SUPT3H: variants seen among roughly 807,000 people sequenced by gnomAD.
The protein encoded by SUPT3H is SPT3 homolog, SAGA and STAGA complex component.
A neutral mutation model predicts 44.3 loss-of-function variants in SUPT3H; 44 were observed. The ratio of observed to expected loss-of-function variants is 0.99; its 90% confidence interval spans 0.78 to 1.28. SUPT3H has a LOEUF of 1.28. Ranked by LOEUF, SUPT3H falls within the 50% of genes most tolerant of loss-of-function variation. SUPT3H has a pLI of 0.00. For synonymous variants in SUPT3H, 124 were observed against 125.6 expected (o/e 0.99, Z 0.09); for missense variants, 380 against 387.1 (o/e 0.98, Z 0.15).
At chr6:45,235,727 G>A (rs1768979653) in intron 2 of SUPT3H, among the ~76,000 whole-genome samples, 1 of 152,170 alleles carries the variant, frequency 6.6e-6, no homozygotes, top group Non-Finnish European at 1.5e-5. Context: ...CAGATTAGGA[G>A]TGTGCTGGGA....
At chr6:45,284,589 G>C (rs1272091694) in intron 2 of SUPT3H, among the ~76,000 whole-genome samples, 4 of 152,154 alleles carry the variant, frequency 2.6e-5, no homozygotes, top group Non-Finnish European at 5.9e-5. Flanking sequence ...CTCTGAAATA[G>C]AGGCAATAAT....
chr6:44,879,682 G>A (rs1187071067), intron 10 of SUPT3H, among the ~76,000 whole-genome samples: 1 of 151,298 alleles, frequency 6.6e-6, no homozygotes, highest in East Asian at 1.9e-4. Flanking sequence ...GAGAGTTCTG[G>A]CTGGCATCTG....
intron 11 of SUPT3H, among the ~76,000 whole-genome samples, chr6:44,821,086 A>G (rs1254307169): frequency 6.6e-6 from 1 of 152,118 alleles, no homozygotes; most frequent in East Asian, 1.9e-4. Context: ...CTTCGCCTCA[A>G]GCAATCCTCC....
intron 10 of SUPT3H, among the ~76,000 whole-genome samples, chr6:44,902,831 T>C (rs1765323603): frequency 6.6e-6 from 1 of 152,136 alleles, no homozygotes; most frequent in Admixed American, 6.6e-5. Flanking sequence ...ACAAACTGTC[T>C]CTCAGACCAC....
intron 3 of SUPT3H, among the ~76,000 whole-genome samples, chr6:45,024,441 A>G (rs1475360629): frequency 6.6e-6 from 1 of 152,108 alleles, no homozygotes; most frequent in Non-Finnish European, 1.5e-5. Flanking sequence ...GTTCTACTAT[A>G]ATCTCCCTTA....
At chr6:44,921,219 A>T (rs1768669851) in intron 10 of SUPT3H, among the ~76,000 whole-genome samples, 1 of 152,226 alleles carries the variant, frequency 6.6e-6, no homozygotes, top group Non-Finnish European at 1.5e-5. Context: ...GGATGTTAAT[A>T]ATGGTCACAT....
At position 44,829,644 on chromosome 6, in the gene SUPT3H, C is replaced by T. The variant is rs914609345; in HGVS notation, c.*172G>A. ...GAACAGCCCATCTAGTAAACAAGAC[C>T]GATGGTTGAGGGGCTGGAAAAGAGG... On this transcript the variant is annotated 3_prime_UTR_variant, in exon 11 of 11. Transcript: ENST00000371459. The T allele has an allele frequency of 4.7e-5, 32 of 674,938 alleles. No individual in the cohort carries two copies. The highest frequency in any genetic ancestry group is 7.0e-5 in the Non-Finnish European group (27 of 387,316). The allele number at this position is 674,938 out of a possible 1,614,324, so 41.8% of individuals were successfully genotyped here.
At chr6:45,127,808 T>C (rs1157888481) in intron 2 of SUPT3H, among the ~76,000 whole-genome samples, 1 of 152,188 alleles carries the variant, frequency 6.6e-6, no homozygotes, top group Non-Finnish European at 1.5e-5. Context: ...TTTTCAACAT[T>C]TTTCTTTCTG....
At chr6:44,975,900 A>C (rs1263759045) in intron 6 of SUPT3H, among the ~76,000 whole-genome samples, 3 of 152,204 alleles carry the variant, frequency 2.0e-5, no homozygotes, top group African/African-American at 7.2e-5. Flanking sequence ...GTAAGGAAAC[A>C]ATGCCACCAG....
intron 2 of SUPT3H, among the ~76,000 whole-genome samples, chr6:45,360,683 T>C (rs1794100114): frequency 6.6e-6 from 1 of 152,200 alleles, no homozygotes; most frequent in Non-Finnish European, 1.5e-5. Flanking sequence ...TCATTGCTAT[T>C]TATCCCAAAC....
intron 3 of SUPT3H, among the ~76,000 whole-genome samples, chr6:45,062,833 G>C (rs1320258713): frequency 6.6e-6 from 1 of 152,042 alleles, no homozygotes; most frequent in Non-Finnish European, 1.5e-5. Flanking sequence ...CTCCCTGATT[G>C]CTAGCACAGC....
chr6:45,051,629 G>A (rs1450870939), intron 3 of SUPT3H, among the ~76,000 whole-genome samples: 3 of 152,056 alleles, frequency 2.0e-5, no homozygotes, highest in African/African-American at 7.2e-5. Context: ...CTGTAAGCAT[G>A]TTGTATTTAT....
At chr6:45,174,967 C>T (rs1253609079) in intron 2 of SUPT3H, among the ~76,000 whole-genome samples, 1 of 137,146 alleles carries the variant, frequency 7.3e-6, no homozygotes, top group Non-Finnish European at 1.5e-5. Flanking sequence ...CACTTGAGCC[C>T]AGGAGTTAAA....
chr6:45,352,749 G>T (rs187668581), intron 2 of SUPT3H, among the ~76,000 whole-genome samples: 34 of 147,968 alleles, frequency 2.3e-4, no homozygotes, highest in African/African-American at 8.1e-4. Flanking sequence ...TGATCACTTA[G>T]ATCATGTATT....
intron 2 of SUPT3H, among the ~76,000 whole-genome samples, chr6:45,238,587 T>A (rs1159906127): frequency 6.6e-6 from 1 of 152,194 alleles, no homozygotes; most frequent in Non-Finnish European, 1.5e-5. Flanking sequence ...AAGAAGACTC[T>A]AGATTTGCTA....
At chr6:45,125,454 T>G (rs1013916071) in intron 2 of SUPT3H, among the ~76,000 whole-genome samples, 1 of 152,192 alleles carries the variant, frequency 6.6e-6, no homozygotes, top group African/African-American at 2.4e-5. Flanking sequence ...TACTGTGGAA[T>G]GGGGAAAATT....
intron 2 of SUPT3H, among the ~76,000 whole-genome samples, chr6:45,362,256 A>G (rs1794389456): frequency 6.6e-6 from 1 of 152,224 alleles, no homozygotes; most frequent in Non-Finnish European, 1.5e-5. Flanking sequence ...ACCATTCCCC[A>G]GAAATGACAC....
chr6:45,072,916 A>C (rs1383549783), intron 3 of SUPT3H, among the ~76,000 whole-genome samples: 1 of 152,116 alleles, frequency 6.6e-6, no homozygotes, highest in Non-Finnish European at 1.5e-5. Flanking sequence ...TCCAAACATC[A>C]GAAAGTTAAA....
At chr6:44,905,550 G>A (rs1406656761) in intron 10 of SUPT3H, among the ~76,000 whole-genome samples, 2 of 151,528 alleles carry the variant, frequency 1.3e-5, no homozygotes, top group African/African-American at 2.4e-5. Context: ...GGAGAAACAG[G>A]AACACTTTTA....
Sources: gnomAD v4.1 joint callset for allele counts (sites outside exome capture counted in the v4.1 genomes callset) on GRCh38, gnomAD v4.1.1 for gene constraint, MANE v1.5 for transcripts, NCBI Gene and HGNC (gene_info 2026-07-23, HGNC 2026-07-21) for gene names.